The following RBM41 variants were observed in gnomAD, a reference collection of about 807,000 sequenced individuals.
The protein encoded by RBM41 is RNA binding motif protein 41.
In RBM41, 14 loss-of-function variants were observed where a neutral mutation model predicts 30.8. The ratio of observed to expected loss-of-function variants is 0.45; its 90% CI spans 0.30 to 0.71. The LOEUF (loss-of-function observed/expected upper bound fraction) is 0.71. RBM41 is among the 30% of genes least tolerant of loss of function. The pLI, the probability that RBM41 is intolerant of heterozygous loss-of-function variation, is 0.08. For missense variants in RBM41, 276 were observed against 326.3 expected (o/e 0.85, Z 1.19); for synonymous variants, 120 against 110.1 (o/e 1.09, Z -0.56).
chrX:107,063,134 G>A lies in RBM41; in HGVS notation c.*4393C>T, dbSNP rs1471132156. ...TTCAGAGTTGTGAAATCACCACCAC[G>A]ACCAATTTTAGAACACTTTCATCAA... On this transcript the variant is annotated 3_prime_UTR_variant, in exon 8 of 8. Transcript: ENST00000685964. Among the ~76,000 whole-genome samples, 1 of 110,861 alleles carries A rather than the reference G, an allele frequency of 9.0e-6. No homozygotes were observed. The highest frequency in any genetic ancestry group is 1.9e-5 in the Non-Finnish European group (1 of 52,959).
intron 5 of RBM41, among the ~76,000 whole-genome samples, chrX:107,111,090 G>A (rs1393489183): frequency 9.0e-6 from 1 of 111,192 alleles, no homozygotes; most frequent in Non-Finnish European, 1.9e-5. Context: ...TGCATCAAAG[G>A]ACAGAGTGAA....
the RBM41 span, among the ~76,000 whole-genome samples, chrX:107,052,202 G>A: frequency 2.7e-5 from 3 of 111,873 alleles, no homozygotes; most frequent in Non-Finnish European, 5.6e-5. Flanking sequence ...GAGGGTAGCC[G>A]TTGCTGGCTC....
chrX:107,077,106 G>C (rs1921011729), intron 6 of RBM41, among the ~76,000 whole-genome samples: 1 of 111,355 alleles, frequency 9.0e-6, no homozygotes, highest in Non-Finnish European at 1.9e-5. Context: ...ATCCATTAGG[G>C]AAGACCCATA....
At chrX:107,081,038 C>A (rs745578678) in intron 6 of RBM41, among the ~76,000 whole-genome samples, 4 of 111,354 alleles carry the variant, frequency 3.6e-5, no homozygotes, top group Non-Finnish European at 7.5e-5. Flanking sequence ...TCTGACTTAC[C>A]AATTGTTCCT....
At chrX:107,102,208 C>G (rs1195190931) in intron 5 of RBM41, among the ~76,000 whole-genome samples, 1 of 111,320 alleles carries the variant, frequency 9.0e-6, no homozygotes, top group Non-Finnish European at 1.9e-5. Context: ...TACTGTTGGG[C>G]AAAAAGTTTA....
Position 107,115,124 on chromosome X carries a change from T to C in RBM41, c.523+228A>G, listed in dbSNP as rs534399449. The C allele has an allele frequency of 2.7e-5, 11 of 408,623 alleles. No individual in the cohort carries two copies. In the South Asian group the frequency reaches 4.1e-4, roughly 15 times the overall value. 33.7% of individuals were successfully genotyped at this position (408,623 alleles called of 1,213,427 possible). ...CCCAACTAGACTTAGATGCTCTGTG[T>C]TCTGCACTACCTCAGCATTTTATTC... On this transcript the variant is annotated intron_variant, in intron 4 of 7. Transcript: ENST00000685964.
chrX:107,067,800 G>A (rs932226013), intron 7 of RBM41, 107 bp from the exon 8 acceptor site: 1 of 860,979 alleles, frequency 1.2e-6, no homozygotes, highest in South Asian at 5.1e-5. Context: ...AAGCTATAAG[G>A]CCATATAGTC....
intron 7 of RBM41, 37 bp from the exon 8 acceptor site, chrX:107,067,730 C>G: frequency 8.8e-7 from 1 of 1,137,466 alleles, no homozygotes; most frequent in South Asian, 2.4e-5. Context: ...TTACATAGGA[C>G]TTAATAATTC....
At chrX:107,060,574 T>C (rs1052269971), downstream of RBM41, among the ~76,000 whole-genome samples, 1 of 111,806 alleles carries the variant, frequency 8.9e-6, no homozygotes, top group African/African-American at 3.3e-5. Context: ...CTTGGACTTC[T>C]AGTTTCCAGA....
At position 107,067,516 on chromosome X, in the gene RBM41, TTA is replaced by T. The variant is rs763221762; in HGVS notation, c.*9_*10del. ...AGAAAGACCATCCAGGACCCACAAT[TTA>T]TATATATTCTAGCTACCACTAATTT... is the stretch of plus-strand genomic sequence containing the variant. On this transcript the variant is annotated 3_prime_UTR_variant, in exon 8 of 8. Transcript: ENST00000685964. 24 of 1,189,953 alleles carry T rather than the reference TTA, an allele frequency of 2.0e-5. No homozygotes were observed. Among genetic ancestry groups the T allele is most frequent in the Non-Finnish European group, 2.7e-5 (24 of 884,744 alleles).
intron 6 of RBM41, among the ~76,000 whole-genome samples, chrX:107,084,080 G>C (rs2769030): frequency 2.0e-5 from 2 of 102,114 alleles, no homozygotes; most frequent in Non-Finnish European, 3.9e-5. Context: ...GTAGGTGTCA[G>C]AAGTTTCTGT....
intron 5 of RBM41, among the ~76,000 whole-genome samples, chrX:107,099,818 T>C (rs1923302745): frequency 9.0e-6 from 1 of 111,344 alleles, no homozygotes; most frequent in Admixed American, 9.6e-5. Context: ...GGATTTATAA[T>C]TGAGAAACCT....
chrX:107,074,988 T>C (rs975952291), intron 6 of RBM41, among the ~76,000 whole-genome samples: 2 of 111,586 alleles, frequency 1.8e-5, no homozygotes, highest in Non-Finnish European at 3.8e-5. Context: ...CTAGAGGCCA[T>C]ACACTTTCTT....
chrX:107,098,717 A>G (rs1018134445), intron 5 of RBM41, among the ~76,000 whole-genome samples: 4 of 111,933 alleles, frequency 3.6e-5, no homozygotes, highest in African/African-American at 1.3e-4. Flanking sequence ...GAACAGTATC[A>G]GGCCCAGGCG....
At chrX:107,096,909 A>G (rs961845861) in intron 5 of RBM41, among the ~76,000 whole-genome samples, 3 of 112,278 alleles carry the variant, frequency 2.7e-5, no homozygotes, top group African/African-American at 9.7e-5. Flanking sequence ...AAAATGGGCA[A>G]AAGACTTGAA....
intron 5 of RBM41, among the ~76,000 whole-genome samples, chrX:107,104,243 C>T (rs898583659): frequency 9.0e-6 from 1 of 111,653 alleles, no homozygotes; most frequent in Non-Finnish European, 1.9e-5. Context: ...AAATATTTAA[C>T]TCTAATTAAC....
intron 6 of RBM41, among the ~76,000 whole-genome samples, chrX:107,078,112 A>T (rs560042118): frequency 8.9e-6 from 1 of 111,823 alleles, no homozygotes. Context: ...CACACAGGAG[A>T]AGTACAGTTT....
At chrX:107,100,795 C>G (rs1923390975) in intron 5 of RBM41, among the ~76,000 whole-genome samples, 1 of 111,376 alleles carries the variant, frequency 9.0e-6, no homozygotes, top group African/African-American at 3.3e-5. Context: ...AAAACATGTA[C>G]AAGAAAGATC....
downstream of RBM41, among the ~76,000 whole-genome samples, chrX:107,059,033 G>C (rs1451558203): frequency 1.8e-5 from 2 of 111,516 alleles, no homozygotes; most frequent in African/African-American, 3.3e-5. Context: ...TATAAGCTGA[G>C]AGATTCTTGA....
Sources: gnomAD v4.1 joint callset for allele counts (sites outside exome capture counted in the v4.1 genomes callset) on GRCh38, gnomAD v4.1.1 for gene constraint, MANE v1.5 for transcripts, NCBI Gene and HGNC (gene_info 2026-07-23, HGNC 2026-07-21) for gene names.